MSH4: variants seen among roughly 807,000 people sequenced by gnomAD.
MSH4 encodes the protein mutS protein homolog 4.
In MSH4, 106 loss-of-function variants were observed where a neutral mutation model predicts 113.7. That is an observed-to-expected ratio of 0.93 (90% CI 0.80 to 1.10). MSH4 has a LOEUF of 1.10. Ranked by LOEUF, MSH4 falls within the 50% of genes least tolerant of loss-of-function variation. MSH4 has a pLI of 0.00. For missense variants in MSH4, 1,061 were observed against 1,093.7 expected, an observed-to-expected ratio of 0.97 and a Z score of 0.42; for synonymous variants, 368 against 380.2, an observed-to-expected ratio of 0.97 and a Z score of 0.37.
At chr1:75,888,050 T>TGCC in intron 15 of MSH4, among the ~76,000 whole-genome samples, 1 of 150,260 alleles carries the variant, frequency 6.7e-6, no homozygotes. Context: ...ATATCTAGTA[T>TGCC]GTCGAATGGT....
At chr1:75,832,826 A>G (rs984334977) in intron 7 of MSH4, among the ~76,000 whole-genome samples, 3 of 152,148 alleles carry the variant, frequency 2.0e-5, no homozygotes, top group Admixed American at 6.6e-5. Flanking sequence ...CACAGCCAAT[A>G]TCATACTGAA....
chr1:75,816,591 A>C, intron 6 of MSH4, 45 bp downstream of exon 6: 1 of 1,115,616 alleles, frequency 9.0e-7, no homozygotes, highest in Non-Finnish European at 1.2e-6. Context: ...CGGTATATAT[A>C]TATTTTTCTA....
rs80063722 is a variant in MSH4 at position 75,816,482 on chromosome 1, A to C, written c.925A>C (p.Thr309Pro). The change falls in exon 6 of 20, where the codon ACA becomes CCA. Residue 309 changes from threonine to proline, a missense_variant. By Grantham distance (38) the Thr-to-Pro change is conservative. Transcript: ENST00000263187. The part of the protein sequence containing the change: ...LKICFQGSEQ[T>P]AMIDSSSAQN... ...GATTTGTTTCCAGGGTAGTGAACAG[A>C]CAGCCATGATAGATTCATCATCAGC... 6.2e-7 allele frequency: 1 copy of C among 1,609,590 alleles called. No individual in the cohort carries two copies. The highest frequency in any genetic ancestry group is 8.5e-7 in the Non-Finnish European group (1 of 1,177,198).
chr1:75,840,613 A>G (rs963592559), intron 7 of MSH4, among the ~76,000 whole-genome samples: 1 of 150,866 alleles, frequency 6.6e-6, no homozygotes, highest in African/African-American at 2.4e-5. Flanking sequence ...GTACATGTAT[A>G]CATATGTAAC....
intron 17 of MSH4, among the ~76,000 whole-genome samples, chr1:75,896,182 T>G (rs1652376206): frequency 6.6e-6 from 1 of 152,112 alleles, no homozygotes; most frequent in East Asian, 1.9e-4. Context: ...AGACTCAAAC[T>G]GAAACATTGG....
At chr1:75,814,102 A>G (rs1435937028) in intron 4 of MSH4, among the ~76,000 whole-genome samples, 1 of 152,018 alleles carries the variant, frequency 6.6e-6, no homozygotes, top group African/African-American at 2.4e-5. Flanking sequence ...TTTCTTAACC[A>G]TCAGTTTTAT....
In MSH4 at chr1:75,897,851, G is replaced by T; in HGVS notation, c.2356-56G>T. 4 of 1,133,466 alleles carry T rather than the reference G, an allele frequency of 3.5e-6. No individual in the cohort carries two copies. The East Asian group carries it at 9.3e-5, about 26-fold the overall frequency. 70.2% of individuals were successfully genotyped at this position (1,133,466 alleles called of 1,614,324 possible). On this transcript the variant is annotated intron_variant, in intron 17 of 19. Coordinates refer to ENST00000263187, the MANE Select transcript of MSH4 (RefSeq NM_002440.4). ...ATTTTATGTTCACATAGTTAAAATA[G>T]AATTTTCTAGTTAATTTTTAAAGTA...
At chr1:75,867,882 G>A (rs1338653842) in intron 9 of MSH4, among the ~76,000 whole-genome samples, 1 of 151,800 alleles carries the variant, frequency 6.6e-6, no homozygotes, top group African/African-American at 2.4e-5. Context: ...ATCAAATTCA[G>A]AATAATTAAT....
At chr1:75,821,896 C>T (rs1650422458) in intron 6 of MSH4, among the ~76,000 whole-genome samples, 1 of 152,146 alleles carries the variant, frequency 6.6e-6, no homozygotes, top group African/African-American at 2.4e-5. Flanking sequence ...TAGGTGTGAG[C>T]AACCGTGCGT....
intron 19 of MSH4, among the ~76,000 whole-genome samples, chr1:75,907,689 CATATATA>C (rs1652694482): frequency 0.01 from 794 of 78,632 alleles, 15 homozygotes; most frequent in Middle Eastern, 0.033. Context: ...TCTCTCTATA[CATATATA>C]TATATATATA....
intron 7 of MSH4, among the ~76,000 whole-genome samples, chr1:75,823,587 G>T (rs1650478705): frequency 6.6e-6 from 1 of 151,914 alleles, no homozygotes; most frequent in African/African-American, 2.4e-5. Flanking sequence ...TTTAAGCCTT[G>T]CATGCATTGG....
chr1:75,885,059 G>GTATATA (rs1198722667), intron 15 of MSH4, among the ~76,000 whole-genome samples: 2,417 of 112,516 alleles, frequency 0.021, 58 homozygotes, highest in Non-Finnish European at 0.033. Flanking sequence ...GTGTGTGTGT[G>GTATATA]TATATATATA....
intron 15 of MSH4, among the ~76,000 whole-genome samples, chr1:75,885,182 C>T (rs868696306): frequency 6.3e-5 from 9 of 143,020 alleles, no homozygotes; most frequent in South Asian, 2.1e-4. Flanking sequence ...TAATAATATA[C>T]GCTATGTGTA....
At chr1:75,888,432 G>T (rs1384608978) in intron 15 of MSH4, among the ~76,000 whole-genome samples, 1 of 151,806 alleles carries the variant, frequency 6.6e-6, no homozygotes, top group Non-Finnish European at 1.5e-5. Flanking sequence ...AACTTCTTGG[G>T]CAGAAACAGT....
chr1:75,902,300 C>G (rs150296368), intron 19 of MSH4, among the ~76,000 whole-genome samples: 1 of 151,790 alleles, frequency 6.6e-6, no homozygotes, highest in African/African-American at 2.4e-5. Context: ...CCTAGTGTAC[C>G]CAATAGCCAG....
chr1:75,838,362 A>T (rs1650876796), intron 7 of MSH4, among the ~76,000 whole-genome samples: 1 of 151,948 alleles, frequency 6.6e-6, no homozygotes, highest in South Asian at 2.1e-4. Context: ...TCTTGTAAGG[A>T]CTCTTAAGAT....
intron 19 of MSH4, among the ~76,000 whole-genome samples, chr1:75,910,103 T>C (rs1255269921): frequency 1.3e-5 from 2 of 152,176 alleles, no homozygotes; most frequent in Non-Finnish European, 2.9e-5. Flanking sequence ...TACTCTACTT[T>C]TCAAACTATT....
chr1:75,878,335 A>T lies in MSH4; in HGVS notation c.1540+17A>T. ...ACATAGCAGGTAATTTCTTTATTTG[A>T]TAATGTTTTTTGTAGGGATAAAACA... On this transcript the variant is annotated intron_variant, in intron 11 of 19. Transcript: ENST00000263187. 2 of 1,559,754 alleles carry T rather than the reference A, an allele frequency of 1.3e-6. No homozygotes were observed. Among genetic ancestry groups the T allele is most frequent in the Non-Finnish European group, 1.7e-6 (2 of 1,158,806 alleles).
chr1:75,809,267 C>G (rs997500450), intron 3 of MSH4, among the ~76,000 whole-genome samples: 14 of 152,004 alleles, frequency 9.2e-5, no homozygotes, highest in African/African-American at 3.4e-4. Flanking sequence ...TCAAGTGTTT[C>G]ATTATTTTTT....
Sources: allele counts gnomAD v4.1 joint callset (sites outside exome capture counted in the v4.1 genomes callset), GRCh38; gene constraint gnomAD v4.1.1; transcripts MANE v1.5; gene names NCBI Gene and HGNC (gene_info 2026-07-23, HGNC 2026-07-21).